Variants in TRAF3 observed in about 807,000 individuals in gnomAD.
TRAF3 encodes the protein TNF receptor associated factor 3.
In TRAF3, 13 loss-of-function variants were observed where a neutral mutation model predicts 62.3. The observed-to-expected ratio is 0.21, with a 90% CI of 0.14 to 0.33. The LOEUF (loss-of-function observed/expected upper bound fraction) is 0.33. Ranked by LOEUF, TRAF3 falls within the 10% of genes least tolerant of loss-of-function variation. The probability of loss-of-function intolerance (pLI) is 1.00; values close to 1 mark genes in which losing one functional copy is unlikely to be tolerated. For synonymous variants in TRAF3, 269 were observed against 283.4 expected, an observed-to-expected ratio of 0.95 and a Z score of 0.51; for missense variants, 440 against 741.8, an observed-to-expected ratio of 0.59 and a Z score of 4.73.
At chr14:102,778,342 G>T (rs1245308333) in intron 1 of TRAF3, among the ~76,000 whole-genome samples, 1 of 151,998 alleles carries the variant, frequency 6.6e-6, no homozygotes, top group African/African-American at 2.4e-5. Flanking sequence ...GTTCCACGCC[G>T]CCAGCCAGCC....
intron 3 of TRAF3, among the ~76,000 whole-genome samples, chr14:102,871,393 C>T (rs892334604): frequency 6.6e-6 from 1 of 152,228 alleles, no homozygotes; most frequent in African/African-American, 2.4e-5. Context: ...TGGACTACAC[C>T]TCTGGGCCCA....
intron 2 of TRAF3, among the ~76,000 whole-genome samples, chr14:102,851,722 C>T (rs949293234): frequency 8.6e-5 from 13 of 150,786 alleles, no homozygotes; most frequent in Non-Finnish European, 1.8e-4. Flanking sequence ...CCAGCCTGGG[C>T]GACAGAGCAA....
At chr14:102,828,436 G>A (rs1196184739) in intron 1 of TRAF3, among the ~76,000 whole-genome samples, 2 of 152,178 alleles carry the variant, frequency 1.3e-5, no homozygotes, top group African/African-American at 4.8e-5. Flanking sequence ...GAACGTACGC[G>A]ATTCTGTGAA....
chr14:102,798,226 C>G (rs1332834364), intron 1 of TRAF3, among the ~76,000 whole-genome samples: 1 of 144,404 alleles, frequency 6.9e-6, no homozygotes, highest in African/African-American at 2.5e-5. Context: ...TCAGAAAACC[C>G]TTTTTTTTTT....
At chr14:102,806,118 C>T (rs1595304239) in intron 1 of TRAF3, among the ~76,000 whole-genome samples, 1 of 151,984 alleles carries the variant, frequency 6.6e-6, no homozygotes, top group South Asian at 2.1e-4. Context: ...GTAAGTAGAA[C>T]GAGGGATGCT....
chr14:102,852,813 G>A lies in TRAF3; in HGVS notation c.-17-17372G>A, dbSNP rs146214106. Reference sequence around the variant, plus strand: ...GCTCCTGGGCTTAAGCAGTTCTCCCGCCTCAGCCTCTTGAGTAGCTAGGAC... The same window carrying A: ...GCTCCTGGGCTTAAGCAGTTCTCCCACCTCAGCCTCTTGAGTAGCTAGGAC... On this transcript the variant is annotated intron_variant, in intron 2 of 11. Transcript: ENST00000392745. Among the ~76,000 whole-genome samples, 12 of 151,956 alleles carry A rather than the reference G, an allele frequency of 7.9e-5. No individual in the cohort carries two copies. In the East Asian group the frequency reaches 1.4e-3, roughly 17 times the overall value.
chr14:102,800,045 G>A (rs11624345), intron 1 of TRAF3, among the ~76,000 whole-genome samples: 85,636 of 151,962 alleles, frequency 0.56, 25,313 homozygotes, highest in South Asian at 0.75. Context: ...CTGGGCTTGC[G>A]GGCTGCCTTC....
chr14:102,848,085 G>A (rs1441634225), intron 2 of TRAF3, among the ~76,000 whole-genome samples: 3 of 152,128 alleles, frequency 2.0e-5, no homozygotes. Flanking sequence ...CTGCCTCATG[G>A]AGTATTGCAT....
intron 2 of TRAF3, among the ~76,000 whole-genome samples, chr14:102,847,637 C>T (rs1441429154): frequency 1.3e-5 from 2 of 152,110 alleles, no homozygotes; most frequent in Admixed American, 6.6e-5. Flanking sequence ...ATCAAGCTTC[C>T]ATATATCTCC....
intron 1 of TRAF3, among the ~76,000 whole-genome samples, chr14:102,783,915 G>C (rs1453346970): frequency 6.6e-6 from 1 of 152,162 alleles, no homozygotes; most frequent in Non-Finnish European, 1.5e-5. Context: ...CTTATTATGA[G>C]TAAGATGGAT....
chr14:102,883,109 T>C (rs1555375431), intron 6 of TRAF3, among the ~76,000 whole-genome samples: 1 of 152,158 alleles, frequency 6.6e-6, no homozygotes, highest in Non-Finnish European at 1.5e-5. Context: ...CCTGGATGTG[T>C]AGGAGAAACA....
chr14:102,855,680 C>T (rs1887321175), intron 2 of TRAF3, among the ~76,000 whole-genome samples: 1 of 151,898 alleles, frequency 6.6e-6, no homozygotes. Context: ...CCTGTAGTCC[C>T]AGCTACTAGG....
chr14:102,798,328 C>A (rs1898212328), intron 1 of TRAF3, among the ~76,000 whole-genome samples: 1 of 151,044 alleles, frequency 6.6e-6, no homozygotes, highest in African/African-American at 2.4e-5. Flanking sequence ...CTCAAGTGAT[C>A]CTCACTTTCT....
In TRAF3 at chr14:102,903,109, C is replaced by T. The variant is rs145376822; in HGVS notation, c.961-146C>T. 36 of 1,100,976 alleles carry T rather than the reference C, an allele frequency of 3.3e-5. No homozygotes were observed. In the East Asian group the frequency reaches 8.4e-4, roughly 26 times the overall value. 68.2% of individuals were successfully genotyped at this position (1,100,976 alleles called of 1,614,324 possible). A position where few individuals can be genotyped will look rare whatever the true frequency, so the allele number is the denominator to read the frequency against. The stretch of plus-strand genomic sequence containing the variant: ...CCAGGAGGCCTGATGCAGAGCCCCA[C>T]TCCTGGAGTCAGAGCCGCGGGTGGC... On this transcript the variant is annotated intron_variant, in intron 10 of 11. Coordinates refer to ENST00000392745, the MANE Select transcript of TRAF3 (RefSeq NM_145725.3). This position sits in a 1 kb window ranked among gnomAD's most constrained non-coding sequence, Gnocchi z 6.4.
At chr14:102,879,490 C>G (rs1888918359) in intron 6 of TRAF3, among the ~76,000 whole-genome samples, 1 of 152,058 alleles carries the variant, frequency 6.6e-6, no homozygotes, top group Middle Eastern at 3.4e-3. Context: ...AACTCCTGGG[C>G]TTAAGCCATC....
chr14:102,804,219 CAT>C (rs1410158477), intron 1 of TRAF3, among the ~76,000 whole-genome samples: 7 of 152,028 alleles, frequency 4.6e-5, no homozygotes, highest in Non-Finnish European at 7.4e-5. Context: ...TCAGAGGAGT[CAT>C]ATGATTGACT....
At chr14:102,845,519 T>A (rs778616485) in intron 2 of TRAF3, among the ~76,000 whole-genome samples, 44 of 57,862 alleles carry the variant, frequency 7.6e-4, no homozygotes, top group African/African-American at 7.2e-3. Flanking sequence ...AAAAAAAAAA[T>A]TTTTTTTTTT....
chr14:102,875,706 A>G lies in TRAF3; in HGVS notation c.380A>G (p.Gln127Arg). The G allele has an allele frequency of 6.2e-7, 1 of 1,614,092 alleles. No individual in the cohort carries two copies. Among genetic ancestry groups the G allele is most frequent in the African/African-American group, 1.3e-5 (1 of 75,058 alleles). Reference protein sequence around the residue: ...CRNESRGCAEQLMLGHLLVHL... With the variant: ...CRNESRGCAERLMLGHLLVHL... ...AATGAAAGCAGAGGTTGTGCAGAGC[A>G]GTTAATGCTGGGACATCTGCTGGTG... The change falls in exon 5 of 12, where the codon CAG becomes CGG. Residue 127 changes from glutamine (Q) to arginine (R), a missense_variant. This residue lies in a region of TRAF3 where 255 missense variants were observed against 424.1 expected (regional missense o/e 0.60). Coordinates refer to ENST00000392745, the MANE Select transcript of TRAF3 (RefSeq NM_145725.3).
intron 1 of TRAF3, among the ~76,000 whole-genome samples, chr14:102,794,044 C>T (rs1371555362): frequency 6.6e-6 from 1 of 152,230 alleles, no homozygotes; most frequent in African/African-American, 2.4e-5. Flanking sequence ...GATCCTCCCT[C>T]TCCTTGTGCT....
Sources: gnomAD v4.1 joint callset for allele counts (sites outside exome capture counted in the v4.1 genomes callset) on GRCh38, gnomAD v4.1.1 for gene constraint, gnomAD v4.1.1 regional missense constraint, Gnocchi (gnomAD v3.1) non-coding constraint, MANE v1.5 for transcripts, NCBI Gene and HGNC (gene_info 2026-07-23, HGNC 2026-07-21) for gene names.